Variants in SGCZ observed in about 807,000 individuals in gnomAD.
SGCZ encodes sarcoglycan zeta.
Under a neutral mutation model 41.3 loss-of-function variants are expected in SGCZ, and 40 were observed. The ratio of observed to expected loss-of-function variants is 0.97; its 90% CI spans 0.75 to 1.26. SGCZ has a LOEUF of 1.26. Among genes scored for constraint, SGCZ ranks in the 50% most tolerant of loss-of-function variants. The pLI, the probability that SGCZ is intolerant of heterozygous loss-of-function variation, is 0.00. For synonymous variants in SGCZ, 206 were observed against 137.5 expected, an observed-to-expected ratio of 1.50 and a Z score of -3.49; for missense variants, 552 against 369.8, an observed-to-expected ratio of 1.49 and a Z score of -4.04.
intron 1 of SGCZ, among the ~76,000 whole-genome samples, chr8:15,081,543 G>A (rs577937300): frequency 6.7e-6 from 1 of 149,714 alleles, no homozygotes; most frequent in South Asian, 2.1e-4. Context: ...AAAATAAAGA[G>A]GTGAAAAAGA....
chr8:14,443,020 C>G (rs7386141), intron 2 of SGCZ, among the ~76,000 whole-genome samples: 1 of 151,722 alleles, frequency 6.6e-6, no homozygotes, highest in Non-Finnish European at 1.5e-5. Flanking sequence ...CCAATAACAG[C>G]CAAACAGAGA....
chr8:14,983,880 T>C (rs1801749039), intron 1 of SGCZ, among the ~76,000 whole-genome samples: 1 of 152,226 alleles, frequency 6.6e-6, no homozygotes, highest in African/African-American at 2.4e-5. Flanking sequence ...TACCTTTATA[T>C]ATTCAACTAT....
chr8:14,223,318 C>T (rs954065708), intron 4 of SGCZ, among the ~76,000 whole-genome samples: 2 of 152,042 alleles, frequency 1.3e-5, no homozygotes, highest in Non-Finnish European at 2.9e-5. Context: ...ACTTTGGAAA[C>T]ATTTCATCAT....
At position 14,648,072 on chromosome 8, in the gene SGCZ, A is replaced by T. The variant is rs533421195; in HGVS notation, c.40-93146T>A. Among the ~76,000 whole-genome samples, 26 of 152,034 alleles carry T rather than the reference A, an allele frequency of 1.7e-4. No homozygotes were observed. The South Asian group carries it at 5.2e-3, about 30-fold the overall frequency. On this transcript the variant is annotated intron_variant, in intron 1 of 7. Coordinates refer to ENST00000382080, the MANE Select transcript of SGCZ (RefSeq NM_139167.4). ...AAATGGCTTGGCAGAAGGATTTGAC[A>T]GGGAGTGACCTAAGCAGGCAAAAAC...
chr8:14,724,106 G>C (rs1419937668), intron 1 of SGCZ, among the ~76,000 whole-genome samples: 1 of 152,134 alleles, frequency 6.6e-6, no homozygotes, highest in Non-Finnish European at 1.5e-5. Context: ...TGTAAAACTA[G>C]TGTATGAGAA....
chr8:15,234,429 A>G (rs536604616), intron 1 of SGCZ, among the ~76,000 whole-genome samples: 7 of 152,308 alleles, frequency 4.6e-5, no homozygotes, highest in African/African-American at 1.4e-4. Flanking sequence ...TTCATTGGAG[A>G]GAGAAACAGA....
intron 1 of SGCZ, among the ~76,000 whole-genome samples, chr8:14,760,559 T>C (rs1477968974): frequency 6.6e-6 from 1 of 152,222 alleles, no homozygotes; most frequent in East Asian, 1.9e-4. Flanking sequence ...ATACGGCATG[T>C]AACCCTCATT....
At chr8:14,976,032 T>TG (rs1046392507) in intron 1 of SGCZ, among the ~76,000 whole-genome samples, 1 of 146,000 alleles carries the variant, frequency 6.8e-6, no homozygotes, top group African/African-American at 2.5e-5. Context: ...ATATATTTTT[T>TG]TTTTTTCTGA....
At chr8:14,996,138 C>T (rs566425264) in intron 1 of SGCZ, among the ~76,000 whole-genome samples, 11 of 152,162 alleles carry the variant, frequency 7.2e-5, no homozygotes, top group Admixed American at 5.2e-4. Context: ...TTCCTGACCT[C>T]GTGATCTGCC....
chr8:14,215,809 C>A (rs781619152), intron 4 of SGCZ, among the ~76,000 whole-genome samples: 3 of 152,182 alleles, frequency 2.0e-5, no homozygotes, highest in Non-Finnish European at 2.9e-5. Flanking sequence ...AGACCCATAA[C>A]CTTAAATAAG....
chr8:14,623,023 A>G (rs1806335161), intron 1 of SGCZ, among the ~76,000 whole-genome samples: 1 of 152,146 alleles, frequency 6.6e-6, no homozygotes, highest in Non-Finnish European at 1.5e-5. Flanking sequence ...CTTTTCTGAT[A>G]CCTTGGAGGG....
At chr8:14,399,305 T>C (rs2117240774) in intron 2 of SGCZ, among the ~76,000 whole-genome samples, 1 of 152,262 alleles carries the variant, frequency 6.6e-6, no homozygotes, top group East Asian at 1.9e-4. Context: ...GACTAGTAAA[T>C]CCAATTTCAC....
Position 14,718,412 on chromosome 8 carries a change from C to T in SGCZ, c.40-163486G>A, listed in dbSNP as rs560646644. Among the ~76,000 whole-genome samples the T allele has an allele frequency of 7.9e-5, 12 of 151,928 alleles. No homozygotes were observed. In the East Asian group the frequency reaches 1.4e-3, roughly 17 times the overall value. ...GAGAGAAACCAATATTATCTATATA[C>T]GACTAATCATGTGATGCTCTTTTTA... On this transcript the variant is annotated intron_variant, in intron 1 of 7. Coordinates refer to ENST00000382080, the MANE Select transcript of SGCZ (RefSeq NM_139167.4).
chr8:14,415,051 A>C (rs919794118), intron 2 of SGCZ, among the ~76,000 whole-genome samples: 1 of 151,876 alleles, frequency 6.6e-6, no homozygotes, highest in Non-Finnish European at 1.5e-5. Flanking sequence ...CCTGCTACTT[A>C]TATCTTTTTT....
At chr8:14,891,140 A>G (rs374112576) in intron 1 of SGCZ, among the ~76,000 whole-genome samples, 2 of 152,340 alleles carry the variant, frequency 1.3e-5, no homozygotes, top group South Asian at 2.1e-4. Flanking sequence ...CCATGGATCA[A>G]GGAATAATTT....
intron 3 of SGCZ, among the ~76,000 whole-genome samples, chr8:14,268,403 AT>A (rs888276095): frequency 4.1e-4 from 62 of 151,080 alleles, no homozygotes; most frequent in African/African-American, 1.4e-3. Flanking sequence ...GCTTCATACC[AT>A]TTTTGCCTCT....
chr8:14,892,846 T>A (rs1456784091), intron 1 of SGCZ, among the ~76,000 whole-genome samples: 1 of 152,188 alleles, frequency 6.6e-6, no homozygotes, highest in Non-Finnish European at 1.5e-5. Flanking sequence ...ATGATCTCTA[T>A]GTTCTCATCC....
chr8:14,107,797 C>A (rs992163955), intron 6 of SGCZ, among the ~76,000 whole-genome samples: 2 of 152,018 alleles, frequency 1.3e-5, no homozygotes, highest in Admixed American at 1.3e-4. Context: ...CACCACCATG[C>A]TCGGCTAATT....
At chr8:15,203,515 C>T (rs1048751884) in intron 1 of SGCZ, among the ~76,000 whole-genome samples, 1 of 152,140 alleles carries the variant, frequency 6.6e-6, no homozygotes, top group African/African-American at 2.4e-5. Flanking sequence ...TGGCAAGTAG[C>T]ACATTGATTC....
Sources: gnomAD v4.1 joint callset for allele counts (sites outside exome capture counted in the v4.1 genomes callset) on GRCh38, gnomAD v4.1.1 for gene constraint, MANE v1.5 for transcripts, NCBI Gene and HGNC (gene_info 2026-07-23, HGNC 2026-07-21) for gene names.